FGF10: variants seen among roughly 807,000 people sequenced by gnomAD.
FGF10 encodes FGF-10.
A neutral mutation model predicts 19.8 loss-of-function variants in FGF10; 2 were observed. That is an observed-to-expected ratio of 0.10 (90% CI 0.04 to 0.32). The LOEUF (loss-of-function observed/expected upper bound fraction) is 0.32. FGF10 is among the 10% of genes least tolerant of loss of function. The pLI, the probability that FGF10 is intolerant of heterozygous loss-of-function variation, is 1.00. For missense variants in FGF10, 191 were observed against 246.3 expected, an observed-to-expected ratio of 0.78 and a Z score of 1.50; for synonymous variants, 112 against 94.0, an observed-to-expected ratio of 1.19 and a Z score of -1.10.
intron 1 of FGF10, among the ~76,000 whole-genome samples, chr5:44,312,710 C>T (rs1740241037): frequency 6.6e-6 from 1 of 151,914 alleles, no homozygotes; most frequent in Admixed American, 6.6e-5. Context: ...ATTGTCTGGC[C>T]AAAAGACAAG....
intron 2 of FGF10, among the ~76,000 whole-genome samples, chr5:44,306,225 G>T (rs992550609): frequency 6.6e-6 from 1 of 151,982 alleles, no homozygotes; most frequent in Non-Finnish European, 1.5e-5. Flanking sequence ...GTGAAACCCC[G>T]TCTATACTAA....
At chr5:44,348,107 T>C (rs938580263) in intron 1 of FGF10, among the ~76,000 whole-genome samples, 4 of 151,670 alleles carry the variant, frequency 2.6e-5, no homozygotes, top group African/African-American at 7.3e-5. Context: ...CTGAGGATTC[T>C]ACCTGCCATC....
intron 1 of FGF10, among the ~76,000 whole-genome samples, chr5:44,311,236 C>T (rs753746718): frequency 6.6e-6 from 1 of 151,732 alleles, no homozygotes; most frequent in Non-Finnish European, 1.5e-5. Context: ...TAGACAAGAG[C>T]TCCTTTTCCC....
At chr5:44,338,914 C>G (rs1740908824) in intron 1 of FGF10, among the ~76,000 whole-genome samples, 1 of 152,126 alleles carries the variant, frequency 6.6e-6, no homozygotes, top group Non-Finnish European at 1.5e-5. Flanking sequence ...GTCTAACTAG[C>G]TACTTAGTAA....
chr5:44,361,698 T>G (rs968520220), intron 1 of FGF10, among the ~76,000 whole-genome samples: 1 of 151,652 alleles, frequency 6.6e-6, no homozygotes, highest in Non-Finnish European at 1.5e-5. Flanking sequence ...CTTCTACAGA[T>G]TCTTTATGCC....
At chr5:44,385,034 G>T (rs1742067171) in intron 1 of FGF10, among the ~76,000 whole-genome samples, 1 of 152,052 alleles carries the variant, frequency 6.6e-6, no homozygotes, top group Non-Finnish European at 1.5e-5. Flanking sequence ...CTTTCTAAGA[G>T]GTCAGAACTA....
At chr5:44,337,359 G>A (rs1337247850) in intron 1 of FGF10, among the ~76,000 whole-genome samples, 2 of 152,190 alleles carry the variant, frequency 1.3e-5, no homozygotes, top group East Asian at 1.9e-4. Context: ...TTCACTCTTA[G>A]TAAACTACAC....
intron 1 of FGF10, among the ~76,000 whole-genome samples, chr5:44,349,453 T>TATATATATATCAGA (rs1554038158): frequency 0.011 from 246 of 23,056 alleles, 3 homozygotes; most frequent in Middle Eastern, 0.059. Context: ...TATATATATA[T>TATATATATATCAGA]ATATATATAT....
chr5:44,307,659 T>C (rs1023122435), intron 2 of FGF10, among the ~76,000 whole-genome samples: 1 of 152,186 alleles, frequency 6.6e-6, no homozygotes, highest in African/African-American at 2.4e-5. Flanking sequence ...ACGGAATTGA[T>C]GGATACTGTA....
chr5:44,307,583 T>C (rs1740113114), intron 2 of FGF10, among the ~76,000 whole-genome samples: 1 of 152,178 alleles, frequency 6.6e-6, no homozygotes, highest in African/African-American at 2.4e-5. Flanking sequence ...TTCAAGAGAA[T>C]AGATATAAAA....
chr5:44,332,039 AC>A (rs1375953515), intron 1 of FGF10, among the ~76,000 whole-genome samples: 4 of 152,092 alleles, frequency 2.6e-5, no homozygotes, highest in Non-Finnish European at 4.4e-5. Context: ...AACAACGAAT[AC>A]TATTAAACCC....
At chr5:44,363,922 C>T (rs1459261404) in intron 1 of FGF10, among the ~76,000 whole-genome samples, 1 of 151,726 alleles carries the variant, frequency 6.6e-6, no homozygotes, top group Non-Finnish European at 1.5e-5. Flanking sequence ...GGTAATGAAG[C>T]AACAAGTTTG....
At chr5:44,354,611 C>T (rs1338397861) in intron 1 of FGF10, among the ~76,000 whole-genome samples, 2 of 151,450 alleles carry the variant, frequency 1.3e-5, no homozygotes, top group African/African-American at 4.8e-5. Flanking sequence ...AGAAAGTATC[C>T]AAATAGAACC....
chr5:44,344,747 T>C lies in FGF10; in HGVS notation c.326-34217A>G, dbSNP rs180897106. 7.4e-4 allele frequency among the ~76,000 whole-genome samples: 112 copies of C among 151,914 alleles called. 3 individuals carry two copies. Among genetic ancestry groups the C allele is most frequent in the African/African-American group, 2.6e-3 (108 of 41,400 alleles). On this transcript the variant is annotated intron_variant, in intron 1 of 2. Coordinates refer to ENST00000264664, the MANE Select transcript of FGF10 (RefSeq NM_004465.2). ...TAATAACTAAGTTTCAGCATTGTTA[T>C]GATTTTATAGTATGTACTGGGTCAG...
chr5:44,352,570 G>T, intron 1 of FGF10, among the ~76,000 whole-genome samples: 1 of 151,590 alleles, frequency 6.6e-6, no homozygotes, highest in East Asian at 2.0e-4. Flanking sequence ...ACCCACCCCT[G>T]TGCTAGTTTA....
chr5:44,371,510 G>T (rs1741741339), intron 1 of FGF10, among the ~76,000 whole-genome samples: 1 of 152,066 alleles, frequency 6.6e-6, no homozygotes, highest in South Asian at 2.1e-4. Context: ...AATAGGAAAG[G>T]TTCCCATTGG....
intron 1 of FGF10, among the ~76,000 whole-genome samples, chr5:44,384,956 G>C (rs1222808898): frequency 6.6e-6 from 1 of 152,014 alleles, no homozygotes; most frequent in East Asian, 1.9e-4. Context: ...GCTCACAGCT[G>C]TTTTACTCAC....
intron 1 of FGF10, among the ~76,000 whole-genome samples, chr5:44,340,571 T>A (rs1040297966): frequency 6.6e-6 from 1 of 152,098 alleles, no homozygotes; most frequent in African/African-American, 2.4e-5. Context: ...TTTATCAGTA[T>A]AATTTTAATT....
rs1394404235 is a variant in FGF10, at chr5:44,302,700, G to A, written c.*2295C>T. Among the ~76,000 whole-genome samples, 1 of 152,096 alleles carries A rather than the reference G, an allele frequency of 6.6e-6. No individual in the cohort carries two copies. The highest frequency in any genetic ancestry group is 1.5e-5 in the Non-Finnish European group (1 of 68,014). On this transcript the variant is annotated 3_prime_UTR_variant, in exon 3 of 3. Transcript: ENST00000264664. ...CTTTCTGTGAGGGAAATGTGGGAGA[G>A]ACAGGGAGATGTTTTCTATTTTTGG...
Sources: gnomAD v4.1 joint callset for allele counts (sites outside exome capture counted in the v4.1 genomes callset) on GRCh38, gnomAD v4.1.1 for gene constraint, MANE v1.5 for transcripts, NCBI Gene and HGNC (gene_info 2026-07-23, HGNC 2026-07-21) for gene names.